The following KIAA1217 variants were observed in gnomAD, a reference collection of about 807,000 sequenced individuals.
KIAA1217 encodes sickle tail protein homolog.
A neutral mutation model predicts 163.9 loss-of-function variants in KIAA1217; 88 were observed. That is an observed-to-expected ratio of 0.54 (90% CI 0.45 to 0.64). The LOEUF is 0.64. KIAA1217 is among the 30% of genes least tolerant of loss of function. The pLI, the probability that KIAA1217 is intolerant of heterozygous loss-of-function variation, is 0.00. For synonymous variants in KIAA1217, 903 were observed against 923.1 expected (o/e 0.98, Z 0.39); for missense variants, 2,372 against 2,475.0 (o/e 0.96, Z 0.88).
At position 24,444,263 on chromosome 10, in the gene KIAA1217, C is replaced by T. The variant is rs532011575; in HGVS notation, c.846+5784C>T. On this transcript the variant is annotated intron_variant, in intron 5 of 20. Coordinates refer to ENST00000376454, the MANE Select transcript of KIAA1217 (RefSeq NM_019590.5). ...CTGACCTCAGGTGATCCACCCGCCT[C>T]GGCCTCCTAAAGTGCTGGATTTACA... 3.9e-5 allele frequency among the ~76,000 whole-genome samples: 6 copies of T among 152,288 alleles called. No homozygotes were observed. The South Asian group carries it at 1.0e-3, about 26-fold the overall frequency.
In KIAA1217 at chr10:24,344,363, A is replaced by G. The variant is rs575413433; in HGVS notation, c.355-36506A>G. On this transcript the variant is annotated intron_variant, in intron 2 of 20. Coordinates refer to ENST00000376454, the MANE Select transcript of KIAA1217 (RefSeq NM_019590.5). The stretch of plus-strand genomic sequence containing the variant: ...TATTTCTTGCGCTTTGTCTTTTAGA[A>G]TGTGGCACATCGAATAGAGTTACCA... Among the ~76,000 whole-genome samples the G allele has an allele frequency of 3.3e-5, 5 of 152,316 alleles. No homozygotes were observed. The South Asian group carries it at 1.0e-3, about 32-fold the overall frequency.
At chr10:24,274,013 G>A (rs1011200632) in intron 2 of KIAA1217, among the ~76,000 whole-genome samples, 5 of 152,060 alleles carry the variant, frequency 3.3e-5, no homozygotes, top group African/African-American at 9.7e-5. Context: ...TAAATTAGAC[G>A]CATACCTCAA....
chr10:24,030,289 G>A (rs1848138680), intron 2 of KIAA1217, among the ~76,000 whole-genome samples: 1 of 152,080 alleles, frequency 6.6e-6, no homozygotes, highest in African/African-American at 2.4e-5. Flanking sequence ...AGTGTCGAGG[G>A]AGGGTCTTGA....
At chr10:24,384,946 T>C (rs1479653008) in intron 3 of KIAA1217, among the ~76,000 whole-genome samples, 2 of 152,232 alleles carry the variant, frequency 1.3e-5, no homozygotes, top group Non-Finnish European at 2.9e-5. Context: ...ACCCCAGTGC[T>C]GGCCCCTCAT....
intron 1 of KIAA1217, among the ~76,000 whole-genome samples, chr10:23,921,271 G>T (rs894423111): frequency 3.3e-5 from 5 of 152,204 alleles, no homozygotes; most frequent in Admixed American, 6.5e-5. Context: ...TTAGGGATTT[G>T]GTCAGGGACA....
At position 24,187,805 on chromosome 10, in the gene KIAA1217, G is replaced by A. The variant is rs543488480; in HGVS notation, c.-170-31821G>A. On this transcript the variant is annotated intron_variant, in intron 2 of 18. Coordinates refer to the KIAA1217 transcript ENST00000376462. ...CTCAGGAGGCTGAGGCAGGAGAATCGCTTGAACCCGGGAGGCGGAAGTTGC... is the reference window on the plus strand; with the variant it reads ...CTCAGGAGGCTGAGGCAGGAGAATCACTTGAACCCGGGAGGCGGAAGTTGC... 4.4e-4 allele frequency among the ~76,000 whole-genome samples: 67 copies of A among 152,030 alleles called. 1 individual carries two copies. The highest frequency in any genetic ancestry group is 6.8e-4 in the African/African-American group (28 of 41,460).
Position 24,387,307 on chromosome 10 carries a change from A to G in KIAA1217, c.553+6240A>G, listed in dbSNP as rs947706898. Among the ~76,000 whole-genome samples the G allele has an allele frequency of 3.9e-5, 6 of 152,232 alleles. No individual in the cohort carries two copies. In the South Asian group the frequency reaches 1.2e-3, roughly 31 times the overall value. The stretch of plus-strand genomic sequence containing the variant: ...AAACAGAACCAAAGACAAAAACCAC[A>G]TGATTATCTCAATAGATGCAGAAAA... On this transcript the variant is annotated intron_variant, in intron 3 of 20. Transcript: ENST00000376454.
intron 2 of KIAA1217, among the ~76,000 whole-genome samples, chr10:24,087,915 G>T (rs1349698080): frequency 1.4e-5 from 1 of 71,404 alleles, no homozygotes; most frequent in African/African-American, 2.9e-5. Context: ...GAGCTGTGGT[G>T]GCCTCCCAAG....
chr10:24,512,297 C>T (rs2069303355), intron 9 of KIAA1217, among the ~76,000 whole-genome samples: 3 of 152,090 alleles, frequency 2.0e-5, no homozygotes, highest in African/African-American at 7.2e-5. Flanking sequence ...AAACAGGAAA[C>T]CATTGAAATT....
At chr10:24,174,236 A>G (rs2131924222) in intron 2 of KIAA1217, among the ~76,000 whole-genome samples, 1 of 152,332 alleles carries the variant, frequency 6.6e-6, no homozygotes, top group Non-Finnish European at 1.5e-5. Flanking sequence ...CAGAGACCAC[A>G]AATGCAGGCC....
At position 24,470,601 on chromosome 10, in the gene KIAA1217, G is replaced by A. The variant is rs115570578; in HGVS notation, c.847-2627G>A. On this transcript the variant is annotated intron_variant, in intron 5 of 20. Coordinates refer to ENST00000376454, the MANE Select transcript of KIAA1217 (RefSeq NM_019590.5). ...AACAGATTAGCCTATCATAATGGGAGCTCTGTGTGTGTTTTGGGAGGGGAG... is the reference window on the plus strand; with the variant it reads ...AACAGATTAGCCTATCATAATGGGAACTCTGTGTGTGTTTTGGGAGGGGAG... Among the ~76,000 whole-genome samples the A allele has an allele frequency of 4.4e-3, 663 of 152,240 alleles. 7 individuals carry two copies. Among genetic ancestry groups the A allele is most frequent in the African/African-American group, 0.015 (633 of 41,556 alleles).
At chr10:24,489,708 A>G (rs868423280) in intron 6 of KIAA1217, among the ~76,000 whole-genome samples, 3 of 151,794 alleles carry the variant, frequency 2.0e-5, no homozygotes, top group African/African-American at 7.3e-5. Context: ...CTAAAAATAC[A>G]AAAGAATTAG....
intron 2 of KIAA1217, among the ~76,000 whole-genome samples, chr10:24,341,022 G>A (rs2047027399): frequency 6.6e-6 from 1 of 150,972 alleles, no homozygotes; most frequent in Non-Finnish European, 1.5e-5. Context: ...TTTTCTCTCT[G>A]ATTGCTTTGC....
At chr10:23,766,714 G>A (rs778536994) in intron 1 of KIAA1217, among the ~76,000 whole-genome samples, 3 of 151,478 alleles carry the variant, frequency 2.0e-5, no homozygotes, top group East Asian at 3.9e-4. Context: ...TCAGCCTCCC[G>A]AGTAGCTGGG....
At chr10:23,947,726 G>A (rs1357889117) in intron 1 of KIAA1217, among the ~76,000 whole-genome samples, 1 of 152,200 alleles carries the variant, frequency 6.6e-6, no homozygotes, top group Admixed American at 6.5e-5. Context: ...TTGAGACACA[G>A]ATGGGAACCC....
chr10:23,886,671 G>A (rs1033625068), intron 1 of KIAA1217, among the ~76,000 whole-genome samples: 4 of 152,074 alleles, frequency 2.6e-5, no homozygotes, highest in East Asian at 3.9e-4. Flanking sequence ...GTTGATTTTT[G>A]CATGTGTGCA....
At chr10:24,174,218 G>A (rs1192066885) in intron 2 of KIAA1217, among the ~76,000 whole-genome samples, 1 of 152,186 alleles carries the variant, frequency 6.6e-6, no homozygotes, top group Non-Finnish European at 1.5e-5. Context: ...CCCCTGCCCA[G>A]TATGACTCAG....
chr10:24,454,741 G>A (rs944205822), intron 5 of KIAA1217, among the ~76,000 whole-genome samples: 2 of 152,140 alleles, frequency 1.3e-5, no homozygotes, highest in African/African-American at 4.8e-5. Flanking sequence ...ACCCCTTGCA[G>A]TAGGGACTGA....
chr10:24,377,351 C>T (rs1252616178), intron 2 of KIAA1217, among the ~76,000 whole-genome samples: 1 of 152,152 alleles, frequency 6.6e-6, no homozygotes, highest in African/African-American at 2.4e-5. Flanking sequence ...GTCCTGCTCA[C>T]GTGGCTCAGA....
Sources: allele counts gnomAD v4.1 joint callset (sites outside exome capture counted in the v4.1 genomes callset), GRCh38; gene constraint gnomAD v4.1.1; transcripts MANE v1.5; gene names NCBI Gene and HGNC (gene_info 2026-07-23, HGNC 2026-07-21).